NPHP4: variants seen among roughly 807,000 people sequenced by gnomAD.
The protein encoded by NPHP4 is nephrocystin-4.
NPHP4 carries 151 observed loss-of-function variants against 155.8 expected under a neutral mutation model. The ratio of observed to expected loss-of-function variants is 0.97; its 90% confidence interval spans 0.85 to 1.11. The LOEUF is 1.11. NPHP4 is among the 50% of genes least tolerant of loss of function. NPHP4 has a pLI of 0.00. For missense variants in NPHP4, 1,956 were observed against 1,925.7 expected, an observed-to-expected ratio of 1.02 and a Z score of -0.29; for synonymous variants, 845 against 816.8, an observed-to-expected ratio of 1.03 and a Z score of -0.59.
At chr1:5,947,282 T>C in intron 8 of NPHP4, 52 bp from the exon 9 acceptor site, 1 of 1,599,500 alleles carries the variant, frequency 6.3e-7, no homozygotes, top group Non-Finnish European at 8.5e-7. Flanking sequence ...CTCCCATCCT[T>C]CCCGCATCCA....
chr1:5,954,908 ATAAAG>A (rs1340728874), intron 6 of NPHP4, among the ~76,000 whole-genome samples: 4 of 152,228 alleles, frequency 2.6e-5, no homozygotes, highest in Non-Finnish European at 4.4e-5. Context: ...GTCTTACACA[ATAAAG>A]TAAACAATTA....
chr1:5,989,961 C>A (rs1023426650), intron 1 of NPHP4, among the ~76,000 whole-genome samples: 1 of 152,242 alleles, frequency 6.6e-6, no homozygotes, highest in Admixed American at 6.5e-5. Context: ...AGTCCTGAGG[C>A]TCGGGATGTG....
At chr1:5,973,164 C>A (rs1263575252) in intron 3 of NPHP4, among the ~76,000 whole-genome samples, 1 of 152,260 alleles carries the variant, frequency 6.6e-6, no homozygotes, top group Non-Finnish European at 1.5e-5. Flanking sequence ...GGATTACAGG[C>A]ATGAGCCACT....
intron 11 of NPHP4, among the ~76,000 whole-genome samples, chr1:5,923,174 G>A (rs1330722245): frequency 6.6e-6 from 1 of 152,166 alleles, no homozygotes; most frequent in African/African-American, 2.4e-5. Context: ...TTCAAACCCC[G>A]GGATGATCGG....
chr1:5,896,828 G>A (rs1441083350), intron 16 of NPHP4, among the ~76,000 whole-genome samples: 1 of 152,172 alleles, frequency 6.6e-6, no homozygotes, highest in African/African-American at 2.4e-5. Flanking sequence ...CCTGGAACCG[G>A]CACTGCTCCA....
chr1:5,893,337 T>C (rs1347163764), intron 16 of NPHP4, among the ~76,000 whole-genome samples: 3 of 152,138 alleles, frequency 2.0e-5, no homozygotes. Context: ...TGCGCTGTTA[T>C]TTATTGGATA....
At chr1:5,877,011 T>C (rs192676133) in intron 20 of NPHP4, 82 bp downstream of exon 20, 3 of 955,918 alleles carry the variant, frequency 3.1e-6, no homozygotes, top group Admixed American at 4.1e-5. Flanking sequence ...GAGAGAATCA[T>C]GTGGGAGGCA....
intron 17 of NPHP4, 108 bp from the exon 18 acceptor site, chr1:5,887,574 C>G (rs993753067): frequency 1.1e-5 from 14 of 1,223,780 alleles, no homozygotes; most frequent in Non-Finnish European, 1.5e-5. Context: ...CCACTGTGGG[C>G]GGGAGGGGGT....
At chr1:5,945,519 G>A (rs976351275) in intron 9 of NPHP4, among the ~76,000 whole-genome samples, 20 of 152,274 alleles carry the variant, frequency 1.3e-4, no homozygotes, top group East Asian at 9.6e-4. Flanking sequence ...CATAGGGACC[G>A]GAGGCATGGA....
intron 18 of NPHP4, 123 bp from the exon 19 acceptor site, chr1:5,880,362 GC>G: frequency 1.1e-6 from 1 of 905,426 alleles, no homozygotes; most frequent in Non-Finnish European, 1.7e-6. Flanking sequence ...ACACGCTAAG[GC>G]CCCACCGCCT....
At chr1:5,981,587 G>C (rs908059810) in intron 2 of NPHP4, among the ~76,000 whole-genome samples, 1 of 152,208 alleles carries the variant, frequency 6.6e-6, no homozygotes, top group African/African-American at 2.4e-5. Context: ...TCACAGGGAA[G>C]CAAGCTTTGG....
intron 16 of NPHP4, among the ~76,000 whole-genome samples, chr1:5,895,599 G>A (rs936946237): frequency 1.3e-5 from 2 of 152,146 alleles, no homozygotes; most frequent in African/African-American, 2.4e-5. Flanking sequence ...CCATTTTGAC[G>A]GTGAGCAGGA....
chr1:5,947,269 G>C (rs751279627), intron 8 of NPHP4, 39 bp from the exon 9 acceptor site: 3 of 1,607,158 alleles, frequency 1.9e-6, no homozygotes, highest in Admixed American at 3.3e-5. Context: ...ATTAGAGCTC[G>C]AGCTCCCATC....
chr1:5,912,878 G>A (rs551014677), intron 11 of NPHP4, among the ~76,000 whole-genome samples: 14 of 152,260 alleles, frequency 9.2e-5, no homozygotes, highest in African/African-American at 3.4e-4. Flanking sequence ...TCACTGGGAG[G>A]GGAATCAGCG....
chr1:5,982,443 G>A (rs755049885), intron 2 of NPHP4, among the ~76,000 whole-genome samples: 10 of 152,174 alleles, frequency 6.6e-5, no homozygotes, highest in East Asian at 3.8e-4. Context: ...CTAGGTTTAC[G>A]TAAGTACATC....
At chr1:5,935,005 G>A (rs1013420818) in intron 9 of NPHP4, among the ~76,000 whole-genome samples, 1 of 152,160 alleles carries the variant, frequency 6.6e-6, no homozygotes, top group African/African-American at 2.4e-5. Flanking sequence ...GCATGCATGC[G>A]TGCTCTCAAG....
At position 5,956,069 on chromosome 1, in the gene NPHP4, G is replaced by GC. The variant is rs932467517; in HGVS notation, c.674-3234_674-3233insG. Among the ~76,000 whole-genome samples the GC allele has an allele frequency of 6.0e-5, 9 of 150,046 alleles. 1 individual carries two copies. The highest frequency in any genetic ancestry group is 7.4e-5 in the Non-Finnish European group (5 of 67,292). On this transcript the variant is annotated intron_variant, in intron 6 of 29. Coordinates refer to ENST00000378156, the MANE Select transcript of NPHP4 (RefSeq NM_015102.5). ...AATGTTTCAAAAAGCTGGGGGGGGG[G>GC]GGTGCAGGGAGGGATGACATAAACT...
rs1022312218 is a variant in NPHP4, at chr1:5,918,213, T to C, written c.1442-9000A>G. ...AAAGCTCTGCCATGGACAAGACCCTTAGGCAGGGCTTTACAGATAAGTACA... is the reference window on the plus strand; with the variant it reads ...AAAGCTCTGCCATGGACAAGACCCTCAGGCAGGGCTTTACAGATAAGTACA... On this transcript the variant is annotated intron_variant, in intron 11 of 29. Coordinates refer to ENST00000378156, the MANE Select transcript of NPHP4 (RefSeq NM_015102.5). Among the ~76,000 whole-genome samples, 11 of 152,176 alleles carry C rather than the reference T, an allele frequency of 7.2e-5. No individual in the cohort carries two copies. The South Asian group carries it at 1.0e-3, about 14-fold the overall frequency.
chr1:5,873,682 A>G, intron 22 of NPHP4: 1 of 385,464 alleles, frequency 2.6e-6, no homozygotes, highest in Non-Finnish European at 4.7e-6. Flanking sequence ...CCACCACCCT[A>G]GAGAGCTGAC....
Sources: allele counts gnomAD v4.1 joint callset (sites outside exome capture counted in the v4.1 genomes callset), GRCh38; gene constraint gnomAD v4.1.1; transcripts MANE v1.5; gene names NCBI Gene and HGNC (gene_info 2026-07-23, HGNC 2026-07-21).